GABRA1: variants seen among roughly 807,000 people sequenced by gnomAD.
GABRA1 encodes gamma-aminobutyric acid receptor subunit alpha-1.
Under a neutral mutation model 48.9 loss-of-function variants are expected in GABRA1, and 9 were observed. That is an observed-to-expected ratio of 0.18 (90% CI 0.11 to 0.32). The LOEUF is 0.32. Ranked by LOEUF, GABRA1 falls within the 10% of genes least tolerant of loss-of-function variation. The pLI is 1.00. For synonymous variants in GABRA1, 210 were observed against 198.7 expected (o/e 1.06, Z -0.48); for missense variants, 285 against 553.8 (o/e 0.51, Z 4.87).
chr5:161,895,796 T>C lies in GABRA1; in HGVS notation c.987T>C (p.Ile329=). 8 of 1,614,032 alleles carry C rather than the reference T, an allele frequency of 5.0e-6. No homozygotes were observed. The highest frequency in any genetic ancestry group is 6.8e-6 in the Non-Finnish European group (8 of 1,179,952). Residue 329 remains isoleucine, a synonymous_variant, in exon 9 of 10, where the codon ATT becomes ATC. Transcript: ENST00000393943. ...VCYAFVFSAL[I]EFATVNYFTK... is the part of the protein sequence containing the mutation. Reference sequence around the variant, plus strand: ...ATGCCTTTGTGTTCTCAGCTCTGATTGAGTTTGCCACAGTAAACTATTTCA... The same window carrying C: ...ATGCCTTTGTGTTCTCAGCTCTGATCGAGTTTGCCACAGTAAACTATTTCA...
intron 6 of GABRA1, among the ~76,000 whole-genome samples, chr5:161,878,472 A>G (rs1754461946): frequency 6.6e-6 from 1 of 152,234 alleles, no homozygotes; most frequent in South Asian, 2.1e-4. Context: ...CCGAAATATC[A>G]GAGAAAAGAA....
intron 4 of GABRA1, 182 bp from the exon 5 acceptor site, chr5:161,872,935 T>G (rs1209910488): frequency 1.7e-6 from 1 of 605,628 alleles, no homozygotes; most frequent in East Asian, 2.8e-5. Flanking sequence ...AAAAAATCAT[T>G]ACACCAACCA....
At chr5:161,860,156 C>G (rs922504466) in intron 3 of GABRA1, among the ~76,000 whole-genome samples, 1 of 151,804 alleles carries the variant, frequency 6.6e-6, no homozygotes, top group Non-Finnish European at 1.5e-5. Flanking sequence ...CATTTACTGG[C>G]TGAGGTCTAC....
At chr5:161,859,581 T>TA (rs771233104) in intron 3 of GABRA1, among the ~76,000 whole-genome samples, 1 of 151,796 alleles carries the variant, frequency 6.6e-6, no homozygotes, top group African/African-American at 2.4e-5. Context: ...CAGCACAGTT[T>TA]AATTCTTTTA....
chr5:161,899,684 T>C lies in GABRA1; in HGVS notation c.*2262T>C, dbSNP rs1256089478. The C allele has an allele frequency of 6.6e-6, 1 of 152,206 alleles. No homozygotes were observed. Among genetic ancestry groups the C allele is most frequent in the African/African-American group, 2.4e-5 (1 of 41,460 alleles). 9.4% of individuals were successfully genotyped at this position (152,206 alleles called of 1,614,324 possible). A position where few individuals can be genotyped will look rare whatever the true frequency, so the allele number is the denominator to read the frequency against. ...ATGTAGCTTTTCTACAGTGCTTTGC[T>C]AAACCATGTAGTACTAGTTAAGTCT... On this transcript the variant is annotated 3_prime_UTR_variant, in exon 10 of 10. Transcript: ENST00000393943.
chr5:161,878,575 T>C (rs146368032), intron 6 of GABRA1, among the ~76,000 whole-genome samples: 67 of 152,308 alleles, frequency 4.4e-4, no homozygotes, highest in Non-Finnish European at 9.0e-4. Context: ...GGTGATAAAA[T>C]CTAAAGTTGA....
At chr5:161,856,695 A>G (rs1461868200) in intron 3 of GABRA1, among the ~76,000 whole-genome samples, 1 of 151,110 alleles carries the variant, frequency 6.6e-6, no homozygotes, top group East Asian at 1.9e-4. Context: ...CTTTTTTTGG[A>G]ATTTTTTTTA....
chr5:161,866,476 A>G (rs1372384884), intron 4 of GABRA1, among the ~76,000 whole-genome samples: 2 of 152,124 alleles, frequency 1.3e-5, no homozygotes, highest in Non-Finnish European at 2.9e-5. Flanking sequence ...AAAACATCAT[A>G]AAGTGGTCAT....
intron 3 of GABRA1, among the ~76,000 whole-genome samples, chr5:161,858,348 C>T (rs1310347903): frequency 6.6e-6 from 1 of 151,698 alleles, no homozygotes; most frequent in Admixed American, 6.6e-5. Context: ...TTGGCTTCCC[C>T]TGCACTTTGG....
At chr5:161,862,967 C>T (rs1450887822) in intron 3 of GABRA1, among the ~76,000 whole-genome samples, 1 of 151,872 alleles carries the variant, frequency 6.6e-6, no homozygotes, top group Non-Finnish European at 1.5e-5. Context: ...ATCTATTGTG[C>T]TTACTACTTA....
intron 4 of GABRA1, among the ~76,000 whole-genome samples, chr5:161,870,742 G>A (rs761484931): frequency 1.6e-4 from 24 of 152,182 alleles, no homozygotes; most frequent in Non-Finnish European, 2.2e-4. Context: ...CATGGGGCAA[G>A]GTCATCTTAT....
intron 8 of GABRA1, among the ~76,000 whole-genome samples, chr5:161,891,371 T>C (rs1342842386): frequency 2.0e-5 from 3 of 152,126 alleles, no homozygotes; most frequent in Non-Finnish European, 4.4e-5. Context: ...AAACAATATA[T>C]TTAGAATATA....
At chr5:161,877,163 T>C (rs1754393377) in intron 6 of GABRA1, among the ~76,000 whole-genome samples, 3 of 152,154 alleles carry the variant, frequency 2.0e-5, no homozygotes, top group Non-Finnish European at 4.4e-5. Flanking sequence ...CCAGTCTGTC[T>C]CACACTCCTG....
chr5:161,849,135 G>T, intron 1 of GABRA1: 1 of 282,766 alleles, frequency 3.5e-6, no homozygotes, highest in Non-Finnish European at 7.0e-6. Context: ...GTTTGTATTT[G>T]CAAGAAACTT....
At chr5:161,881,447 T>C (rs1216779328) in intron 6 of GABRA1, among the ~76,000 whole-genome samples, 2 of 152,024 alleles carry the variant, frequency 1.3e-5, no homozygotes, top group Non-Finnish European at 2.9e-5. Flanking sequence ...TGACCTAACC[T>C]CTTATTAGGA....
At chr5:161,892,870 G>A (rs1399580918) in intron 8 of GABRA1, among the ~76,000 whole-genome samples, 1 of 151,894 alleles carries the variant, frequency 6.6e-6, no homozygotes, top group Non-Finnish European at 1.5e-5. Context: ...TGGGTGTAGT[G>A]GTGGGTGCCT....
Position 161,864,783 on chromosome 5 carries a change from C to T in GABRA1, c.188-938C>T, listed in dbSNP as rs576552292. Among the ~76,000 whole-genome samples the T allele has an allele frequency of 5.5e-5, 8 of 146,194 alleles. No homozygotes were observed. In the East Asian group the frequency reaches 6.1e-4, roughly 11 times the overall value. ...ATAACTGAGTTATCCAAATTATTCC[C>T]GGGGAAAAATATAAATTAAAAATAA... On this transcript the variant is annotated intron_variant, in intron 3 of 9. Coordinates refer to ENST00000393943, the MANE Select transcript of GABRA1 (RefSeq NM_001127644.2).
chr5:161,876,968 T>C (rs1281420345), intron 6 of GABRA1, among the ~76,000 whole-genome samples: 3 of 152,134 alleles, frequency 2.0e-5, no homozygotes, highest in Admixed American at 6.6e-5. Flanking sequence ...AAGGTCTTGC[T>C]CTGTTGCCAT....
intron 1 of GABRA1, chr5:161,848,818 A>T (rs1164870437): frequency 3.1e-6 from 1 of 323,064 alleles, no homozygotes; most frequent in Non-Finnish European, 6.0e-6. Context: ...TGAGTTGGGG[A>T]GGGGCGTCGG....
Sources: gnomAD v4.1 joint callset for allele counts (sites outside exome capture counted in the v4.1 genomes callset) on GRCh38, gnomAD v4.1.1 for gene constraint, MANE v1.5 for transcripts, NCBI Gene and HGNC (gene_info 2026-07-23, HGNC 2026-07-21) for gene names.